The following LAMA5 variants were observed in gnomAD, a reference collection of about 807,000 sequenced individuals.
LAMA5 encodes laminin subunit alpha 5, also known as laminin subunit alpha-5.
Under a neutral mutation model 433.4 loss-of-function variants are expected in LAMA5, and 260 were observed. That is an observed-to-expected ratio of 0.60 (90% CI 0.54 to 0.66). The LOEUF (loss-of-function observed/expected upper bound fraction) is 0.66, where lower values mean the gene tolerates loss of function less well. Ranked by LOEUF, LAMA5 falls within the 30% of genes least tolerant of loss-of-function variation. LAMA5 has a pLI of 0.00. For missense variants in LAMA5, 5,378 were observed against 5,258.5 expected, an observed-to-expected ratio of 1.02 and a Z score of -0.70; for synonymous variants, 2,620 against 2,226.6, an observed-to-expected ratio of 1.18 and a Z score of -4.97.
rs1238054058 is a variant in LAMA5, at chr20:62,315,016, C to G, written c.8047+12G>C. 6.3e-7 allele frequency: 1 copy of G among 1,584,376 alleles called. No homozygotes were observed. Among genetic ancestry groups the G allele is most frequent in the Non-Finnish European group, 8.5e-7 (1 of 1,170,622 alleles). On this transcript the variant is annotated intron_variant, in intron 59 of 79. Coordinates refer to ENST00000252999, the MANE Select transcript of LAMA5 (RefSeq NM_005560.6). ...GCCTCCATCAGGGGCACCGCGAGGGCCATGGGCGCACCTGAGTGGCCTGCG... is the reference window on the plus strand; with the variant it reads ...GCCTCCATCAGGGGCACCGCGAGGGGCATGGGCGCACCTGAGTGGCCTGCG...
At chr20:62,321,539 G>A (rs1289992350) in intron 48 of LAMA5, among the ~76,000 whole-genome samples, 1 of 97,832 alleles carries the variant, frequency 1.0e-5, no homozygotes, top group African/African-American at 5.0e-5. Flanking sequence ...AAAGGGTGGC[G>A]CCAGTGGAGG....
Position 62,316,023 on chromosome 20 carries a change from G to A in LAMA5, c.7792C>T (p.Arg2598Ter), listed in dbSNP as rs773772761. Reference sequence around the variant, plus strand: ...TGGTCCTTCTTGGCCCGGACATCTCGGAGCTGGGTCCTGGCACCCTGGAGG... The same window carrying A: ...TGGTCCTTCTTGGCCCGGACATCTCAGAGCTGGGTCCTGGCACCCTGGAGG... ...AALQGARTQL[R>*]DVRAKKDQLE... is the part of the protein sequence containing the mutation. The change falls in exon 58 of 80, where the codon CGA becomes TGA. Residue 2598 changes from arginine (R) to a stop codon, truncating the protein, a stop_gained. Transcript: ENST00000252999. LOFTEE classifies it high-confidence loss of function. 1.9e-6 allele frequency: 3 copies of A among 1,609,594 alleles called. No homozygotes were observed. Among genetic ancestry groups the A allele is most frequent in the Non-Finnish European group, 2.5e-6 (3 of 1,179,468 alleles).
chr20:62,330,881 C>A lies in LAMA5; in HGVS notation c.3714G>T (p.Gln1238His). ...PPQPIILRDC[Q>H]VIPLPPGLPL... is the part of the protein sequence containing the mutation. ...GGAGGCCGGGCGGCAGCGGGATCAC[C>A]TGGCAGTCCCTGAGGATGATGGGCT... Residue 1238 changes from glutamine to histidine, a missense_variant, in exon 30 of 80, where the codon CAG becomes CAT. Physicochemically the swap from Gln to His is conservative, Grantham distance 24. Transcript: ENST00000252999. The A allele has an allele frequency of 1.9e-6, 3 of 1,542,882 alleles. No homozygotes were observed. Among genetic ancestry groups the A allele is most frequent in the South Asian group, 1.2e-5 (1 of 83,204 alleles).
Position 62,366,985 on chromosome 20 carries a change from G to GC in LAMA5, c.260dup (p.Val89ArgfsTer16). Reference sequence around the variant, plus strand: ...GGTTGGGGTCGCCGCCGGCCACGGGGCCCCCTACCAGCTTGCAGTAAAGGT... The same window carrying GC: ...GGTTGGGGTCGCCGCCGGCCACGGGGCCCCCCTACCAGCTTGCAGTAAAGGT... On this transcript the variant is annotated frameshift_variant, in exon 1 of 80. Transcript: ENST00000252999. LOFTEE classifies it high-confidence loss of function. 7.8e-7 allele frequency: 1 copy of GC among 1,278,680 alleles called. No homozygotes were observed. The highest frequency in any genetic ancestry group is 1.5e-5 in the African/African-American group (1 of 66,038). The allele number at this position is 1,278,680 out of a possible 1,614,324, so 79.2% of individuals were successfully genotyped here.
At chr20:62,332,507 G>A (rs1312340329) in intron 27 of LAMA5, 27 bp from the exon 28 acceptor site, 16 of 1,609,760 alleles carry the variant, frequency 9.9e-6, no homozygotes, top group African/African-American at 1.3e-5. Context: ...GTCAGCAGGT[G>A]GGGCAGCCCC....
rs1906516096 is a variant in LAMA5, at chr20:62,362,521, T to C, written c.329A>G (p.Asn110Ser). ...GQYCDICTAA[N>S]SNKAHPASNA... ...GCTCGCGGGGTGTGCCTTGTTGCTG[T>C]TGGCAGCCGTGCAGATGTCACAGTA... Residue 110 changes from asparagine to serine, a missense_variant, in exon 2 of 80, where the codon AAC (asparagine) becomes AGC (serine). Asn to Ser is a conservative substitution (Grantham distance 46). Coordinates refer to ENST00000252999, the MANE Select transcript of LAMA5 (RefSeq NM_005560.6). The C allele has an allele frequency of 1.3e-6, 2 of 1,599,952 alleles. No homozygotes were observed. The highest frequency in any genetic ancestry group is 1.3e-5 in the African/African-American group (1 of 74,516).
At chr20:62,321,922 C>T in intron 48 of LAMA5, 97 bp downstream of exon 48, 3 of 1,266,316 alleles carry the variant, frequency 2.4e-6, no homozygotes, top group South Asian at 2.4e-5. Context: ...GCTGGGACCA[C>T]TCTGGGAGGT....
At position 62,336,934 on chromosome 20, in the gene LAMA5, G is replaced by C. The variant is rs773990095; in HGVS notation, c.2165-148C>G. 4.0e-6 allele frequency: 3 copies of C among 748,574 alleles called. No homozygotes were observed. The East Asian group carries it at 8.0e-5, about 20-fold the overall frequency. The allele number at this position is 748,574 out of a possible 1,614,324, so 46.4% of individuals were successfully genotyped here. A position where few individuals can be genotyped will look rare whatever the true frequency, so the allele number is the denominator to read the frequency against. The stretch of plus-strand genomic sequence containing the variant: ...ATCCACATGGACGGCCTGAAAACAC[G>C]CACCTCCCTGCTCCCTCCGCAGCAA... On this transcript the variant is annotated intron_variant, in intron 16 of 79. Coordinates refer to ENST00000252999, the MANE Select transcript of LAMA5 (RefSeq NM_005560.6).
Position 62,334,358 on chromosome 20 carries a change from G to A in LAMA5, c.2583-16C>T, listed in dbSNP as rs770074175. ...CCTCGCAGGCCTGGCCACAGCAGGGGCTGGTCAGGTGCAGCTTGGCCATCC... is the reference window on the plus strand; with the variant it reads ...CCTCGCAGGCCTGGCCACAGCAGGGACTGGTCAGGTGCAGCTTGGCCATCC... On this transcript the variant is annotated splice_polypyrimidine_tract_variant and intron_variant, in intron 21 of 79. Transcript: ENST00000252999. 33 of 1,582,946 alleles carry A rather than the reference G, an allele frequency of 2.1e-5. No homozygotes were observed. Among genetic ancestry groups the A allele is most frequent in the Admixed American group, 1.1e-4 (6 of 55,760 alleles).
At chr20:62,335,328 C>A (rs1460525570) in intron 18 of LAMA5, 59 bp from the exon 19 acceptor site, 1 of 1,580,596 alleles carries the variant, frequency 6.3e-7, no homozygotes, top group South Asian at 1.1e-5. Context: ...TGGCTCCAGC[C>A]CCCCGAGGAA....
At chr20:62,310,851 G>C (rs778276375) in intron 74 of LAMA5, 22 bp from the exon 75 acceptor site, 2 of 1,595,100 alleles carry the variant, frequency 1.3e-6, no homozygotes, top group Non-Finnish European at 1.7e-6. Context: ...AGATGGGTCA[G>C]GGTAGGGCTG....
rs1378945183 is a variant in LAMA5 at position 62,330,428 on chromosome 20, G to A, written c.3979+60C>T. ...CAGGTAGCACAGGCCACGCTGTGGC[G>A]CCGGCATTCCAGCCTCATCGTGTGT... On this transcript the variant is annotated intron_variant, in intron 31 of 79. Transcript: ENST00000252999. The A allele has an allele frequency of 3.5e-5, 51 of 1,467,372 alleles. 1 individual carries two copies. Among genetic ancestry groups the A allele is most frequent in the East Asian group, 7.5e-5 (3 of 40,056 alleles). 90.9% of individuals were successfully genotyped at this position (1,467,372 alleles called of 1,614,324 possible).
chr20:62,314,660 G>A lies in LAMA5; in HGVS notation c.8262C>T (p.Ala2754=), dbSNP rs372158372. ...TGAGGGCAGTGTAGGCAGCAAGGTC[G>A]GCAAGATCCCGTGGGGTGCGCAGCT... ...GVQLRTPRDL[A]DLAAYTALKF... The change falls in exon 61 of 80, where the codon GCC becomes GCT. Residue 2754 remains alanine, a synonymous_variant. Coordinates refer to ENST00000252999, the MANE Select transcript of LAMA5 (RefSeq NM_005560.6). The A allele has an allele frequency of 6.9e-5, 111 of 1,612,534 alleles. No individual in the cohort carries two copies. The highest frequency in any genetic ancestry group is 8.6e-5 in the Non-Finnish European group (101 of 1,179,938).
chr20:62,310,118 C>G (rs200297983), intron 77 of LAMA5, 37 bp from the exon 78 acceptor site: 1 of 1,610,776 alleles, frequency 6.2e-7, no homozygotes, highest in Non-Finnish European at 8.5e-7. Context: ...GCTATGCCCC[C>G]GAGGTCACCA....
chr20:62,319,110 G>T, intron 51 of LAMA5, 97 bp from the exon 52 acceptor site: 1 of 1,320,146 alleles, frequency 7.6e-7, no homozygotes, highest in Non-Finnish European at 1.0e-6. Flanking sequence ...TGCCATCCTT[G>T]GCAGGCCAGG....
chr20:62,339,218 C>T (rs987319904), intron 11 of LAMA5, among the ~76,000 whole-genome samples: 16 of 141,982 alleles, frequency 1.1e-4, no homozygotes, highest in African/African-American at 4.1e-4. Context: ...AGCTGCAAAA[C>T]AAATTATAGT....
At chr20:62,315,361 C>G (rs1986829135) in intron 58 of LAMA5, among the ~76,000 whole-genome samples, 154 bp from the exon 59 acceptor site, 1 of 152,092 alleles carries the variant, frequency 6.6e-6, no homozygotes, top group Admixed American at 6.5e-5. Context: ...CAATCCAAAC[C>G]CATCCTAAAT....
intron 11 of LAMA5, among the ~76,000 whole-genome samples, chr20:62,339,493 C>T (rs1370000533): frequency 6.6e-6 from 1 of 152,214 alleles, no homozygotes. Flanking sequence ...GCCTCGGCCT[C>T]CCAAAGTGCT....
chr20:62,347,740 C>T (rs1983605068), intron 6 of LAMA5, among the ~76,000 whole-genome samples: 1 of 152,212 alleles, frequency 6.6e-6, no homozygotes, highest in Non-Finnish European at 1.5e-5. Context: ...GTCCCTGCCC[C>T]AGATCAGGCT....
Sources: allele counts gnomAD v4.1 joint callset (sites outside exome capture counted in the v4.1 genomes callset), GRCh38; gene constraint gnomAD v4.1.1; transcripts MANE v1.5; gene names NCBI Gene and HGNC (gene_info 2026-07-23, HGNC 2026-07-21).